The following TAS2R1 variants were observed in gnomAD, a reference collection of about 807,000 sequenced individuals.
TAS2R1 encodes the protein taste 2 receptor member 1.
For missense variants in TAS2R1, 370 were observed against 353.4 expected (o/e 1.05, Z -0.38); for synonymous variants, 141 against 134.2 (o/e 1.05, Z -0.35).
chr5:9,855,982 T>C, the TAS2R1 span, among the ~76,000 whole-genome samples: 1 of 152,160 alleles, frequency 6.6e-6, no homozygotes, highest in Non-Finnish European at 1.5e-5. Flanking sequence ...TTTATTTTGT[T>C]ACAATCAGCA....
At chr5:9,875,092 G>T in the TAS2R1 span, among the ~76,000 whole-genome samples, 1 of 152,174 alleles carries the variant, frequency 6.6e-6, no homozygotes, top group South Asian at 2.1e-4. Flanking sequence ...GTGCAACAGG[G>T]TACTGACAGA....
chr5:9,743,356 A>G, the TAS2R1 span, among the ~76,000 whole-genome samples: 1 of 151,634 alleles, frequency 6.6e-6, no homozygotes, highest in East Asian at 1.9e-4. Flanking sequence ...TTTAGGGTAC[A>G]TGTGCACAAC....
the TAS2R1 span, among the ~76,000 whole-genome samples, chr5:9,813,507 A>G: frequency 1.3e-5 from 2 of 152,180 alleles, no homozygotes; most frequent in African/African-American, 2.4e-5. Flanking sequence ...AGTGGAAGCC[A>G]TGTGTTGAGT....
the TAS2R1 span, among the ~76,000 whole-genome samples, chr5:9,862,335 G>C: frequency 6.6e-6 from 1 of 152,280 alleles, no homozygotes; most frequent in Admixed American, 6.5e-5. Flanking sequence ...AAAGTCAGAC[G>C]TAAGCCTGGC....
the TAS2R1 span, among the ~76,000 whole-genome samples, chr5:9,898,100 A>G: frequency 6.6e-6 from 1 of 152,036 alleles, no homozygotes; most frequent in African/African-American, 2.4e-5. Flanking sequence ...ATTAATACAT[A>G]TCTTAGGTTA....
intron 1 of TAS2R1, among the ~76,000 whole-genome samples, chr5:9,683,878 A>G (rs1412424979): frequency 6.6e-6 from 1 of 152,158 alleles, no homozygotes; most frequent in African/African-American, 2.4e-5. Flanking sequence ...ATGTCAGCTC[A>G]AGGTTTTGAT....
At chr5:9,775,565 G>C in the TAS2R1 span, among the ~76,000 whole-genome samples, 1 of 152,156 alleles carries the variant, frequency 6.6e-6, no homozygotes, top group African/African-American at 2.4e-5. Flanking sequence ...ATGTTTCTGA[G>C]TCTCACCCAG....
chr5:9,790,650 A>C, the TAS2R1 span, among the ~76,000 whole-genome samples: 1 of 152,064 alleles, frequency 6.6e-6, no homozygotes, highest in South Asian at 2.1e-4. Flanking sequence ...TTCTTTTTTG[A>C]GACAGTCTCA....
chr5:9,724,060 T>C, the TAS2R1 span, among the ~76,000 whole-genome samples: 1 of 152,224 alleles, frequency 6.6e-6, no homozygotes, highest in Non-Finnish European at 1.5e-5. Flanking sequence ...AAGGGCTTCT[T>C]CGTGAAGACT....
the TAS2R1 span, among the ~76,000 whole-genome samples, chr5:9,861,037 G>GTTTTTTTTTTTTTTTTTTTTTTTTTTTTT: frequency 2.3e-3 from 208 of 88,514 alleles, 23 homozygotes; most frequent in Middle Eastern, 7.5e-3. Flanking sequence ...GGAAGATGAG[G>GTTTTTTTTTTTTTTTTTTTTTTTTTTTTT]TTTTTTTTTT....
chr5:9,712,979 C>T, upstream of TAS2R1: 1 of 152,452 alleles, frequency 6.6e-6, no homozygotes, highest in Non-Finnish European at 1.5e-5. Flanking sequence ...GCACTTGGCC[C>T]TGGTCATGCC....
At chr5:9,799,691 G>A in the TAS2R1 span, among the ~76,000 whole-genome samples, 1 of 152,122 alleles carries the variant, frequency 6.6e-6, no homozygotes, top group African/African-American at 2.4e-5. Context: ...CAAACAAGAA[G>A]AAGAGAAAGA....
the TAS2R1 span, among the ~76,000 whole-genome samples, chr5:9,796,165 T>G: frequency 6.6e-6 from 1 of 152,216 alleles, no homozygotes; most frequent in African/African-American, 2.4e-5. Context: ...GTTTGAAGAT[T>G]GTAGGTTAAG....
intron 1 of TAS2R1, among the ~76,000 whole-genome samples, chr5:9,676,747 T>G: frequency 6.6e-6 from 1 of 152,080 alleles, no homozygotes; most frequent in East Asian, 1.9e-4. Flanking sequence ...AGAGAAAAAT[T>G]TGATAAATTA....
At chr5:9,891,761 T>C in the TAS2R1 span, among the ~76,000 whole-genome samples, 1 of 152,184 alleles carries the variant, frequency 6.6e-6, no homozygotes, top group African/African-American at 2.4e-5. Flanking sequence ...TTACACCCAG[T>C]ACCCATCAGG....
chr5:9,733,613 C>T, the TAS2R1 span, among the ~76,000 whole-genome samples: 1 of 152,180 alleles, frequency 6.6e-6, no homozygotes, highest in South Asian at 2.1e-4. Context: ...ACATTCTGGC[C>T]TTAGACAACT....
intron 2 of TAS2R1, among the ~76,000 whole-genome samples, chr5:9,637,215 G>A (rs1739980877): frequency 6.6e-6 from 1 of 152,080 alleles, no homozygotes; most frequent in African/African-American, 2.4e-5. Flanking sequence ...CAAAATTCCT[G>A]GCTGACAATT....
chr5:9,897,341 C>T, the TAS2R1 span, among the ~76,000 whole-genome samples: 6 of 152,160 alleles, frequency 3.9e-5, no homozygotes, highest in East Asian at 5.8e-4. Flanking sequence ...CCCAGCTACT[C>T]GGGAGTCTGA....
chr5:9,823,096 A>G, the TAS2R1 span, among the ~76,000 whole-genome samples: 11 of 152,232 alleles, frequency 7.2e-5, no homozygotes, highest in East Asian at 2.1e-3. Flanking sequence ...TTTCAAGAAT[A>G]ACTATAAAAT....
Sources: gnomAD v4.1 joint callset for allele counts (sites outside exome capture counted in the v4.1 genomes callset) on GRCh38, gnomAD v4.1.1 for gene constraint, MANE v1.5 for transcripts, NCBI Gene and HGNC (gene_info 2026-07-23, HGNC 2026-07-21) for gene names.